SAMD12: variants seen among roughly 807,000 people sequenced by gnomAD.
SAMD12 encodes the protein sterile alpha motif domain-containing protein 12.
Under a neutral mutation model 15.0 loss-of-function variants are expected in SAMD12, and 9 were observed. The observed-to-expected ratio is 0.60, with a 90% CI of 0.36 to 1.05. SAMD12 has a LOEUF of 1.05. SAMD12 is among the 50% of genes least tolerant of loss of function. The pLI, the probability that SAMD12 is intolerant of heterozygous loss-of-function variation, is 0.01. For missense variants in SAMD12, 230 were observed against 234.2 expected (o/e 0.98, Z 0.12); for synonymous variants, 86 against 90.1 (o/e 0.96, Z 0.25).
intron 3 of SAMD12, among the ~76,000 whole-genome samples, chr8:118,406,261 A>G (rs1232920005): frequency 6.6e-6 from 1 of 151,320 alleles, no homozygotes; most frequent in Non-Finnish European, 1.5e-5. Context: ...CATCTTAACC[A>G]TTTTATTTTT....
chr8:118,366,812 C>CAA (rs201807072), intron 4 of SAMD12, among the ~76,000 whole-genome samples: 15,005 of 78,088 alleles, frequency 0.19, 1,481 homozygotes, highest in South Asian at 0.24. Flanking sequence ...AACTCTGTCT[C>CAA]AAATAAAATA....
chr8:118,333,851 CG>C (rs1816919966), intron 4 of SAMD12, among the ~76,000 whole-genome samples: 1 of 136,156 alleles, frequency 7.3e-6, no homozygotes, highest in Admixed American at 8.0e-5. Context: ...TGGCGGGGGG[CG>C]GGGGTATGTC....
intron 3 of SAMD12, among the ~76,000 whole-genome samples, chr8:118,383,266 A>C (rs1819767394): frequency 1.3e-5 from 2 of 152,176 alleles, no homozygotes; most frequent in South Asian, 4.1e-4. Flanking sequence ...TGAAGCCTTC[A>C]GGCTGACAAG....
At chr8:118,252,622 C>A (rs553431631) in intron 4 of SAMD12, among the ~76,000 whole-genome samples, 8 of 152,138 alleles carry the variant, frequency 5.3e-5, no homozygotes, top group Non-Finnish European at 1.0e-4. Flanking sequence ...TTCTTACTCC[C>A]TCCCTCCTTT....
At chr8:118,158,385 G>A in the SAMD12 span, among the ~76,000 whole-genome samples, 228 of 152,354 alleles carry the variant, frequency 1.5e-3, 2 homozygotes, top group South Asian at 2.7e-3. Context: ...TGCAATGGTG[G>A]AGGTGCTGCC....
intron 3 of SAMD12, among the ~76,000 whole-genome samples, chr8:118,406,539 G>T (rs1821138766): frequency 2.0e-5 from 3 of 152,068 alleles, no homozygotes. Flanking sequence ...CTCCCAAAGT[G>T]CTAGGATTAC....
intron 1 of SAMD12, among the ~76,000 whole-genome samples, chr8:118,584,922 T>TATACACAC (rs1554590578): frequency 3.7e-3 from 538 of 147,064 alleles, no homozygotes; most frequent in African/African-American, 7.8e-3. Flanking sequence ...CTTGTAGGTA[T>TATACACAC]ACACACACAC....
intron 2 of SAMD12, among the ~76,000 whole-genome samples, chr8:118,478,567 C>A (rs1824030798): frequency 6.6e-6 from 1 of 152,184 alleles, no homozygotes. Context: ...ATAATTGTTC[C>A]CCTTTCAGGG....
At chr8:118,416,934 G>T (rs2130830281) in intron 3 of SAMD12, among the ~76,000 whole-genome samples, 1 of 151,868 alleles carries the variant, frequency 6.6e-6, no homozygotes, top group African/African-American at 2.4e-5. Flanking sequence ...GAGCAAACTT[G>T]GGGAAAAAAA....
intron 1 of SAMD12, among the ~76,000 whole-genome samples, chr8:118,614,593 A>T (rs1266476215): frequency 6.6e-6 from 1 of 152,194 alleles, no homozygotes; most frequent in East Asian, 1.9e-4. Context: ...ATCCACAAAC[A>T]TCTGTCAAAT....
intron 4 of SAMD12, among the ~76,000 whole-genome samples, chr8:118,370,321 T>G (rs997466565): frequency 1.3e-5 from 2 of 152,122 alleles, no homozygotes; most frequent in Non-Finnish European, 2.9e-5. Context: ...CAGGAATGCT[T>G]TTACACTGTT....
the SAMD12 span, among the ~76,000 whole-genome samples, chr8:118,167,655 A>T: frequency 3.3e-5 from 5 of 152,294 alleles, no homozygotes; most frequent in East Asian, 9.6e-4. Flanking sequence ...AGATTAAAGA[A>T]GCTGTTTTTG....
At chr8:118,310,434 C>A (rs535217062) in intron 4 of SAMD12, among the ~76,000 whole-genome samples, 93 of 152,294 alleles carry the variant, frequency 6.1e-4, no homozygotes, top group African/African-American at 2.1e-3. Context: ...ATTAGATTGT[C>A]TTTTTTGAGA....
chr8:118,398,650 C>A (rs1481828033), intron 3 of SAMD12, among the ~76,000 whole-genome samples: 7 of 151,966 alleles, frequency 4.6e-5, no homozygotes. Flanking sequence ...TCTAGAAAAA[C>A]CGAACTTAAC....
chr8:118,610,375 C>T (rs1016446827), intron 1 of SAMD12, among the ~76,000 whole-genome samples: 1 of 152,168 alleles, frequency 6.6e-6, no homozygotes, highest in African/African-American at 2.4e-5. Context: ...AATTAGTGAA[C>T]TTTGACAGAC....
chr8:118,165,552 G>A, the SAMD12 span, among the ~76,000 whole-genome samples: 18 of 129,924 alleles, frequency 1.4e-4, no homozygotes, highest in Admixed American at 2.4e-4. Flanking sequence ...CACTATGCCC[G>A]GCCCTCAAAA....
At chr8:118,480,211 G>A (rs1824086959) in intron 2 of SAMD12, among the ~76,000 whole-genome samples, 1 of 152,178 alleles carries the variant, frequency 6.6e-6, no homozygotes, top group South Asian at 2.1e-4. Context: ...CATGTCCTAA[G>A]TGAAAGATAG....
At chr8:118,542,812 A>G (rs1162921444) in intron 2 of SAMD12, among the ~76,000 whole-genome samples, 3 of 152,256 alleles carry the variant, frequency 2.0e-5, no homozygotes, top group East Asian at 3.8e-4. Flanking sequence ...TGTAAAATAA[A>G]GAACAGAACC....
intron 4 of SAMD12, chr8:118,284,222 A>AT (rs1023017531): frequency 2.2e-6 from 1 of 445,776 alleles, no homozygotes; most frequent in African/African-American, 2.0e-5. Context: ...GGTTTCTTGC[A>AT]TTTTTTAAAG....
Sources: gnomAD v4.1 joint callset for allele counts (sites outside exome capture counted in the v4.1 genomes callset) on GRCh38, gnomAD v4.1.1 for gene constraint, MANE v1.5 for transcripts, NCBI Gene and HGNC (gene_info 2026-07-23, HGNC 2026-07-21) for gene names.